Variants in SNRPC observed in about 807,000 individuals in gnomAD.
SNRPC encodes U1 small nuclear ribonucleoprotein C.
SNRPC carries 5 observed loss-of-function variants against 20.0 expected under a neutral mutation model. That is an observed-to-expected ratio of 0.25 (90% CI 0.13 to 0.53). The LOEUF (loss-of-function observed/expected upper bound fraction) is 0.53. Among genes scored for constraint, SNRPC ranks in the 20% least tolerant of loss-of-function variants. The pLI is 0.96. For missense variants in SNRPC, 112 were observed against 224.1 expected (o/e 0.50, Z 3.19); for synonymous variants, 61 against 58.7 (o/e 1.04, Z -0.18).
intron 3 of SNRPC, among the ~76,000 whole-genome samples, chr6:34,766,961 C>T (rs889326791): frequency 4.6e-5 from 7 of 151,968 alleles, no homozygotes; most frequent in African/African-American, 1.5e-4. Flanking sequence ...ATTTGTGATT[C>T]TTTTCTAACA....
chr6:34,767,894 C>G lies in SNRPC; in HGVS notation c.161-14C>G. 1 of 1,442,312 alleles carries G rather than the reference C, an allele frequency of 6.9e-7. No homozygotes were observed. The highest frequency in any genetic ancestry group is 9.0e-7 in the Non-Finnish European group (1 of 1,110,072). The allele number at this position is 1,442,312 out of a possible 1,614,324, so 89.3% of individuals were successfully genotyped here. A position where few individuals can be genotyped will look rare whatever the true frequency, so the allele number is the denominator to read the frequency against. ...ATTCATCTTTTTTTTTTTTTTTTTC[C>G]TCACCCTCCAAAGCGGCTGCATTTC... is the stretch of plus-strand genomic sequence containing the variant. On this transcript the variant is annotated splice_polypyrimidine_tract_variant and intron_variant, in intron 3 of 5. Transcript: ENST00000244520.
At chr6:34,760,217 A>G (rs960408760) in intron 2 of SNRPC, among the ~76,000 whole-genome samples, 3 of 150,736 alleles carry the variant, frequency 2.0e-5, no homozygotes, top group Non-Finnish European at 2.9e-5. Context: ...GGCTCAAGCA[A>G]TTCTCCTGTC....
In SNRPC at chr6:34,773,348, G is replaced by T. The variant is rs898581928; in HGVS notation, c.356-98G>T. The T allele has an allele frequency of 2.3e-5, 23 of 1,021,718 alleles. No individual in the cohort carries two copies. Among genetic ancestry groups the T allele is most frequent in the Non-Finnish European group, 3.1e-5 (22 of 701,692 alleles). 63.3% of individuals were successfully genotyped at this position (1,021,718 alleles called of 1,614,324 possible). On this transcript the variant is annotated intron_variant, in intron 5 of 5. Coordinates refer to ENST00000244520, the MANE Select transcript of SNRPC (RefSeq NM_003093.3). The surrounding 1 kb of genome is among the most constrained non-coding windows in gnomAD (Gnocchi z 4.1). The stretch of plus-strand genomic sequence containing the variant: ...CTTTTTTCCAGCATTTTGCAAGGGG[G>T]GCTACGTTTTTTGTTTTTAATTGAA...
chr6:34,767,802 A>G (rs1764632079), intron 3 of SNRPC, 106 bp from the exon 4 acceptor site: 12 of 1,146,166 alleles, frequency 1.0e-5, no homozygotes, highest in Non-Finnish European at 1.4e-5. Context: ...TAGCAAGAGT[A>G]AAGTAATTGG....
intron 3 of SNRPC, among the ~76,000 whole-genome samples, chr6:34,767,032 T>A (rs3798352): frequency 0.44 from 66,255 of 151,766 alleles, 16,167 homozygotes; most frequent in African/African-American, 0.67. Context: ...GAAAAAAAAA[T>A]TTTTAAATTG....
rs992460989 is a variant in SNRPC at position 34,762,470 on chromosome 6, A to C, written c.52-125A>C. Reference sequence around the variant, plus strand: ...GTGTTGCTGGATAATGTTTTTAAGTAATACTGTAGCAGCCAGCTAATGCTG... The same window carrying C: ...GTGTTGCTGGATAATGTTTTTAAGTCATACTGTAGCAGCCAGCTAATGCTG... On this transcript the variant is annotated intron_variant, in intron 2 of 5. Coordinates refer to ENST00000244520, the MANE Select transcript of SNRPC (RefSeq NM_003093.3). 3.4e-4 allele frequency: 201 copies of C among 591,522 alleles called. 1 individual carries two copies. In the Admixed American group the frequency reaches 6.0e-3, roughly 18 times the overall value. The allele number at this position is 591,522 out of a possible 1,614,324, so 36.6% of individuals were successfully genotyped here. A position where few individuals can be genotyped will look rare whatever the true frequency, so the allele number is the denominator to read the frequency against.
At chr6:34,765,846 C>G (rs1049228900) in intron 3 of SNRPC, among the ~76,000 whole-genome samples, 3 of 151,998 alleles carry the variant, frequency 2.0e-5, no homozygotes, top group African/African-American at 7.3e-5. Context: ...TCAGGTGATC[C>G]TCCGGTCTTG....
intron 5 of SNRPC, among the ~76,000 whole-genome samples, chr6:34,772,384 C>T (rs765036010): frequency 2.6e-5 from 4 of 152,154 alleles, no homozygotes; most frequent in Admixed American, 6.6e-5. Context: ...CCATCCATTT[C>T]CTCTAAGAAA....
intron 2 of SNRPC, among the ~76,000 whole-genome samples, chr6:34,761,916 G>A (rs904408946): frequency 1.1e-4 from 17 of 151,906 alleles, no homozygotes; most frequent in African/African-American, 3.9e-4. Flanking sequence ...GGGCTCAAAC[G>A]TGCTTCCCAT....
chr6:34,758,071 C>A, intron 2 of SNRPC, 117 bp downstream of exon 2: 1 of 1,071,062 alleles, frequency 9.3e-7, no homozygotes, highest in Non-Finnish European at 1.3e-6. Context: ...TTAAGGTCTA[C>A]TCCTTGAAGA....
chr6:34,771,961 C>A (rs1764697170), intron 5 of SNRPC, among the ~76,000 whole-genome samples: 1 of 152,210 alleles, frequency 6.6e-6, no homozygotes, highest in African/African-American at 2.4e-5. Context: ...TTCTAGAACT[C>A]AGCTTCAGCC....
At position 34,773,574 on chromosome 6, in the gene SNRPC, T is replaced by C. The variant is rs1227103019; in HGVS notation, c.*4T>C. ...AATGACTCGACCAGACAGATAAGGATAGAGGGGAGGCCTTATTGTATCGGT... is the reference window on the plus strand; with the variant it reads ...AATGACTCGACCAGACAGATAAGGACAGAGGGGAGGCCTTATTGTATCGGT... On this transcript the variant is annotated 3_prime_UTR_variant, in exon 6 of 6. Transcript: ENST00000244520. This position sits in a 1 kb window ranked among gnomAD's most constrained non-coding sequence, Gnocchi z 4.1. The C allele has an allele frequency of 1.9e-6, 3 of 1,613,136 alleles. No individual in the cohort carries two copies. Among genetic ancestry groups the C allele is most frequent in the Middle Eastern group, 3.3e-4 (2 of 6,058 alleles).
intron 2 of SNRPC, among the ~76,000 whole-genome samples, chr6:34,759,297 A>G (rs1056420180): frequency 6.6e-6 from 1 of 152,180 alleles, no homozygotes; most frequent in African/African-American, 2.4e-5. Context: ...GTGTTCCATC[A>G]AAGAGGCAGC....
chr6:34,767,847 G>C lies in SNRPC; in HGVS notation c.161-61G>C, dbSNP rs191849633. On this transcript the variant is annotated intron_variant, in intron 3 of 5. Coordinates refer to ENST00000244520, the MANE Select transcript of SNRPC (RefSeq NM_003093.3). ...AGACTTAAAGAAAGTGGTTATTTTAGTTACTGGATTGTTGAATTCTTATTC... is the reference window on the plus strand; with the variant it reads ...AGACTTAAAGAAAGTGGTTATTTTACTTACTGGATTGTTGAATTCTTATTC... The C allele has an allele frequency of 1.5e-4, 216 of 1,478,494 alleles. No homozygotes were observed. The African/African-American group carries it at 2.6e-3, about 18-fold the overall frequency. 91.6% of individuals were successfully genotyped at this position (1,478,494 alleles called of 1,614,324 possible).
At chr6:34,759,910 T>A (rs1305373649) in intron 2 of SNRPC, among the ~76,000 whole-genome samples, 1 of 152,186 alleles carries the variant, frequency 6.6e-6, no homozygotes, top group African/African-American at 2.4e-5. Flanking sequence ...GGCCTCACTG[T>A]GTTTCCCAGG....
rs1764552698 is a variant in SNRPC, at chr6:34,762,653, A to G, written c.110A>G (p.Tyr37Cys). The change falls in exon 3 of 6, where the codon TAT (tyrosine) becomes TGT (cysteine). Residue 37 changes from tyrosine (Y) to cysteine (C), a missense_variant. Coordinates refer to ENST00000244520, the MANE Select transcript of SNRPC (RefSeq NM_003093.3). ...AAACACAAAGAGAATGTGAAAGACT[A>G]TTATCAGAAATGGATGGAAGAGCAG... The part of the protein sequence containing the change: ...GRKHKENVKD[Y>C]YQKWMEEQAQ... 3 of 1,604,712 alleles carry G rather than the reference A, an allele frequency of 1.9e-6. No individual in the cohort carries two copies. The highest frequency in any genetic ancestry group is 1.3e-5 in the African/African-American group (1 of 74,800).
intron 3 of SNRPC, among the ~76,000 whole-genome samples, chr6:34,766,729 T>A (rs886324091): frequency 6.6e-6 from 1 of 152,206 alleles, no homozygotes; most frequent in Non-Finnish European, 1.5e-5. Context: ...AAAGTCCATA[T>A]TGGGGTGTAA....
intron 3 of SNRPC, among the ~76,000 whole-genome samples, chr6:34,765,419 ATTTATTTATTTATTTATTTAT>A (rs1375720751): frequency 6.6e-6 from 1 of 150,566 alleles, no homozygotes; most frequent in Non-Finnish European, 1.5e-5. Flanking sequence ...TATCTTATAT[ATTTATTTATTTATTTATTTAT>A]TTTATTTATT....
intron 3 of SNRPC, among the ~76,000 whole-genome samples, chr6:34,763,678 C>A (rs958589660): frequency 5.1e-4 from 66 of 128,386 alleles, no homozygotes; most frequent in Admixed American, 6.3e-4. Context: ...GAGACTGTCT[C>A]AAAAAAAAAA....
Sources: allele counts gnomAD v4.1 joint callset (sites outside exome capture counted in the v4.1 genomes callset), GRCh38; gene constraint gnomAD v4.1.1; non-coding constraint Gnocchi (gnomAD v3.1); transcripts MANE v1.5; gene names NCBI Gene and HGNC (gene_info 2026-07-23, HGNC 2026-07-21).